Variants in GUCY1A2 observed in about 807,000 individuals in gnomAD.
GUCY1A2 encodes guanylate cyclase soluble subunit alpha-2.
A neutral mutation model predicts 63.5 loss-of-function variants in GUCY1A2; 27 were observed. The observed-to-expected ratio is 0.43, with a 90% CI of 0.31 to 0.59. GUCY1A2 has a LOEUF of 0.59. Among genes scored for constraint, GUCY1A2 ranks in the 20% least tolerant of loss-of-function variants. The pLI is 0.11. For missense variants in GUCY1A2, 768 were observed against 913.3 expected, an observed-to-expected ratio of 0.84 and a Z score of 2.05; for synonymous variants, 364 against 343.5, an observed-to-expected ratio of 1.06 and a Z score of -0.66.
At chr11:106,856,075 G>A (rs955811937) in intron 4 of GUCY1A2, among the ~76,000 whole-genome samples, 2 of 150,852 alleles carry the variant, frequency 1.3e-5, no homozygotes, top group Admixed American at 6.6e-5. Flanking sequence ...ACAGACATGT[G>A]CCACCACACC....
intron 6 of GUCY1A2, among the ~76,000 whole-genome samples, chr11:106,708,889 G>T (rs1179893149): frequency 6.6e-6 from 1 of 151,334 alleles, no homozygotes; most frequent in Non-Finnish European, 1.5e-5. Flanking sequence ...AATAGATTAA[G>T]TATATGAAAA....
chr11:106,747,132 C>T (rs1256530995), intron 6 of GUCY1A2, among the ~76,000 whole-genome samples: 3 of 152,202 alleles, frequency 2.0e-5, no homozygotes, highest in African/African-American at 7.2e-5. Flanking sequence ...GGACTACAGG[C>T]GCCTGCCACC....
rs1366958244 is a variant in GUCY1A2 at position 106,683,612 on chromosome 11, G to T, written c.*3937C>A. On this transcript the variant is annotated 3_prime_UTR_variant, in exon 8 of 8. Transcript: ENST00000526355. ...CATTCTGGGTTCAGAAGTGAAGAGA[G>T]AATGCTGTTTGCTGTGGCCAGGCGT... 2 of 228,200 alleles carry T rather than the reference G, an allele frequency of 8.8e-6. No homozygotes were observed. The allele number at this position is 228,200 out of a possible 1,614,324, so 14.1% of individuals were successfully genotyped here. A position where few individuals can be genotyped will look rare whatever the true frequency, so the allele number is the denominator to read the frequency against.
At chr11:106,819,667 A>G (rs1163132944) in intron 4 of GUCY1A2, among the ~76,000 whole-genome samples, 16 of 152,212 alleles carry the variant, frequency 1.1e-4, no homozygotes, top group Admixed American at 1.0e-3. Context: ...GTGTGAAAAG[A>G]ACTGTAAATA....
chr11:106,891,020 T>C (rs1265163239), intron 4 of GUCY1A2, among the ~76,000 whole-genome samples: 1 of 152,170 alleles, frequency 6.6e-6, no homozygotes, highest in African/African-American at 2.4e-5. Flanking sequence ...GGTCATAGGG[T>C]AGAAGTATGA....
At chr11:106,882,983 T>C (rs1162911065) in intron 4 of GUCY1A2, among the ~76,000 whole-genome samples, 1 of 152,096 alleles carries the variant, frequency 6.6e-6, no homozygotes, top group Non-Finnish European at 1.5e-5. Flanking sequence ...GAGGGTCATT[T>C]AGTTAAGTAG....
intron 4 of GUCY1A2, among the ~76,000 whole-genome samples, chr11:106,935,020 AATCT>A (rs1203931268): frequency 6.6e-6 from 1 of 152,236 alleles, no homozygotes; most frequent in African/African-American, 2.4e-5. Context: ...AACCTTCATC[AATCT>A]GACAGAGACC....
chr11:106,908,089 G>A (rs182621993), intron 4 of GUCY1A2, among the ~76,000 whole-genome samples: 1 of 152,138 alleles, frequency 6.6e-6, no homozygotes, highest in Admixed American at 6.6e-5. Flanking sequence ...TACACCAAAT[G>A]TAGTAAAAAT....
chr11:106,746,551 C>G (rs770220964), intron 6 of GUCY1A2: 1 of 1,566,370 alleles, frequency 6.4e-7, no homozygotes, highest in South Asian at 1.1e-5. Flanking sequence ...AGCTCATTAC[C>G]TTTTCAGTAC....
At chr11:106,765,707 G>A (rs2135394771) in intron 6 of GUCY1A2, among the ~76,000 whole-genome samples, 1 of 152,086 alleles carries the variant, frequency 6.6e-6, no homozygotes, top group Non-Finnish European at 1.5e-5. Context: ...CTGATTACAT[G>A]GTCATTTGAC....
chr11:106,856,705 G>A (rs2135454387), intron 4 of GUCY1A2, among the ~76,000 whole-genome samples: 1 of 152,158 alleles, frequency 6.6e-6, no homozygotes, highest in African/African-American at 2.4e-5. Context: ...TATGTCCCTG[G>A]GGTAAGTATT....
intron 3 of GUCY1A2, 40 bp downstream of exon 3, chr11:106,978,579 C>A (rs201731443): frequency 1.3e-5 from 17 of 1,319,518 alleles, no homozygotes; most frequent in Non-Finnish European, 1.7e-5. Flanking sequence ...CCCTCTCTTT[C>A]ATTCTCTCTC....
chr11:106,733,401 T>G (rs1863536590), intron 6 of GUCY1A2, among the ~76,000 whole-genome samples: 2 of 152,176 alleles, frequency 1.3e-5, no homozygotes, highest in Non-Finnish European at 2.9e-5. Context: ...GGTACCAGAC[T>G]GTAAGCAATA....
intron 4 of GUCY1A2, among the ~76,000 whole-genome samples, chr11:106,811,829 G>A (rs1005528961): frequency 6.6e-6 from 1 of 151,756 alleles, no homozygotes; most frequent in East Asian, 1.9e-4. Context: ...CTATTTACTA[G>A]TAATGCTCTG....
At chr11:106,885,674 G>A (rs1275464035) in intron 4 of GUCY1A2, among the ~76,000 whole-genome samples, 2 of 151,968 alleles carry the variant, frequency 1.3e-5, no homozygotes, top group Non-Finnish European at 2.9e-5. Context: ...AATAGGGATA[G>A]TACACCATCC....
intron 4 of GUCY1A2, among the ~76,000 whole-genome samples, chr11:106,887,328 G>A (rs1859913805): frequency 1.3e-5 from 2 of 152,026 alleles, no homozygotes; most frequent in South Asian, 4.2e-4. Flanking sequence ...TTCAGTAACT[G>A]ACTGATGAGT....
chr11:106,739,294 C>T lies in GUCY1A2; in HGVS notation c.1837-30628G>A, dbSNP rs573648537. Among the ~76,000 whole-genome samples the T allele has an allele frequency of 4.0e-4, 61 of 152,032 alleles. 2 individuals are homozygous for T. The South Asian group carries it at 6.9e-3, about 17-fold the overall frequency. On this transcript the variant is annotated intron_variant, in intron 6 of 7. Transcript: ENST00000526355. ...TTTTCAGCTTAAGAAGATTTTGGGC[C>T]GAGACAATTGTAAATATACAATCAT... is the stretch of plus-strand genomic sequence containing the variant.
chr11:107,000,991 T>A (rs1233773581), intron 1 of GUCY1A2, among the ~76,000 whole-genome samples: 1 of 152,214 alleles, frequency 6.6e-6, no homozygotes, highest in African/African-American at 2.4e-5. Flanking sequence ...AAGGTCTACA[T>A]AAACCTACTG....
At chr11:106,704,858 A>G (rs1260919260) in intron 7 of GUCY1A2, among the ~76,000 whole-genome samples, 2 of 150,552 alleles carry the variant, frequency 1.3e-5, no homozygotes, top group Non-Finnish European at 3.0e-5. Context: ...AATATATATT[A>G]TATGCAGTAA....
Sources: allele counts gnomAD v4.1 joint callset (sites outside exome capture counted in the v4.1 genomes callset), GRCh38; gene constraint gnomAD v4.1.1; transcripts MANE v1.5; gene names NCBI Gene and HGNC (gene_info 2026-07-23, HGNC 2026-07-21).